Variants in SLC16A7 observed in about 807,000 individuals in gnomAD.
SLC16A7 encodes solute carrier family 16 member 7.
A neutral mutation model predicts 34.9 loss-of-function variants in SLC16A7; 33 were observed. The ratio of observed to expected loss-of-function variants is 0.94; its 90% CI spans 0.72 to 1.26. The LOEUF is 1.26. Ranked by LOEUF, SLC16A7 falls within the 50% of genes most tolerant of loss-of-function variation. The pLI, the probability that SLC16A7 is intolerant of heterozygous loss-of-function variation, is 0.00. For missense variants in SLC16A7, 573 were observed against 578.1 expected (o/e 0.99, Z 0.09); for synonymous variants, 201 against 206.6 (o/e 0.97, Z 0.23).
chr12:59,607,313 C>T (rs1018251183), intron 1 of SLC16A7, among the ~76,000 whole-genome samples: 1 of 152,066 alleles, frequency 6.6e-6, no homozygotes, highest in African/African-American at 2.4e-5. Flanking sequence ...GTAGTAAGTG[C>T]CACAGAACTC....
chr12:59,611,733 C>G lies in SLC16A7; in HGVS notation c.-130+15497C>G, dbSNP rs567374152. Among the ~76,000 whole-genome samples the G allele has an allele frequency of 1.8e-4, 27 of 152,232 alleles. 1 individual carries two copies. In the South Asian group the frequency reaches 4.6e-3, roughly 26 times the overall value. ...AATAGATACAATAGGGTAAACACAC[C>G]CATTCCAAATGGGAGAAATTGGCTA... On this transcript the variant is annotated intron_variant, in intron 1 of 5. Coordinates refer to ENST00000547379, the MANE Select transcript of SLC16A7 (RefSeq NM_001270623.2).
At chr12:59,625,879 G>GA (rs1201560216) in intron 1 of SLC16A7, among the ~76,000 whole-genome samples, 1 of 151,806 alleles carries the variant, frequency 6.6e-6, no homozygotes, top group East Asian at 1.9e-4. Context: ...TCAGTTTGGG[G>GA]AAAAAATTAC....
At chr12:59,691,250 G>T (rs1335934607) in intron 2 of SLC16A7, among the ~76,000 whole-genome samples, 1 of 152,064 alleles carries the variant, frequency 6.6e-6, no homozygotes, top group South Asian at 2.1e-4. Flanking sequence ...CCAAGCTTGC[G>T]GATTGCAGCT....
chr12:59,638,102 TTCGATAAAGAATAGAC>T (rs1277378967), intron 1 of SLC16A7, among the ~76,000 whole-genome samples: 2 of 152,066 alleles, frequency 1.3e-5, no homozygotes, highest in Non-Finnish European at 2.9e-5. Context: ...AAGCTGTCTA[TTCGATAAAGAATAGAC>T]AGCTGTGTTG....
In SLC16A7 at chr12:59,781,301, GTATT is replaced by G. The variant is rs1164415279; in HGVS notation, c.*1625_*1628del. Reference sequence around the variant, plus strand: ...AAGTTTAACATGATTAATTTAAAAAGTATTTAGTGCTTGACAAAGTAGTGTCACT... The same window carrying G: ...AAGTTTAACATGATTAATTTAAAAAGTAGTGCTTGACAAAGTAGTGTCACT... On this transcript the variant is annotated 3_prime_UTR_variant, in exon 6 of 6. Coordinates refer to ENST00000547379, the MANE Select transcript of SLC16A7 (RefSeq NM_001270623.2). 6 of 152,512 alleles carry G rather than the reference GTATT, an allele frequency of 3.9e-5. No individual in the cohort carries two copies. Among genetic ancestry groups the G allele is most frequent in the East Asian group, 3.9e-4 (2 of 5,174 alleles). 9.4% of individuals were successfully genotyped at this position (152,512 alleles called of 1,614,324 possible).
chr12:59,752,389 C>T (rs1879692426), intron 3 of SLC16A7, among the ~76,000 whole-genome samples: 1 of 152,036 alleles, frequency 6.6e-6, no homozygotes, highest in South Asian at 2.1e-4. Context: ...ACTAGAATAA[C>T]CAATACAGAG....
intron 1 of SLC16A7, among the ~76,000 whole-genome samples, chr12:59,626,945 GA>G (rs1879956263): frequency 6.6e-6 from 1 of 151,866 alleles, no homozygotes; most frequent in African/African-American, 2.4e-5. Flanking sequence ...AAATATTTGT[GA>G]ATATTATTTG....
Position 59,693,201 on chromosome 12 carries a change from T to C in SLC16A7, c.-30-11571T>C, listed in dbSNP as rs1349805703. On this transcript the variant is annotated intron_variant, in intron 2 of 5. Coordinates refer to ENST00000547379, the MANE Select transcript of SLC16A7 (RefSeq NM_001270623.2). ...CCAATAGTCTAAGAACTATTGATTATTTTGGGACTTAGTTTGCTGAGTACA... is the reference window on the plus strand; with the variant it reads ...CCAATAGTCTAAGAACTATTGATTACTTTGGGACTTAGTTTGCTGAGTACA... 1.3e-5 allele frequency among the ~76,000 whole-genome samples: 2 copies of C among 151,972 alleles called. 1 individual carries two copies. Among genetic ancestry groups the C allele is most frequent in the African/African-American group, 4.8e-5 (2 of 41,424 alleles).
At chr12:59,604,497 G>A (rs774542461) in intron 1 of SLC16A7, among the ~76,000 whole-genome samples, 10 of 152,220 alleles carry the variant, frequency 6.6e-5, no homozygotes, top group Admixed American at 5.9e-4. Flanking sequence ...TGTATAATAA[G>A]TGAATTTAAG....
chr12:59,764,734 G>A (rs1200821119), intron 3 of SLC16A7, among the ~76,000 whole-genome samples: 1 of 152,062 alleles, frequency 6.6e-6, no homozygotes, highest in Non-Finnish European at 1.5e-5. Context: ...GTCTATCATT[G>A]TTGGACATTT....
intron 2 of SLC16A7, among the ~76,000 whole-genome samples, chr12:59,697,478 C>T (rs1872438226): frequency 6.6e-6 from 1 of 151,888 alleles, no homozygotes; most frequent in Non-Finnish European, 1.5e-5. Context: ...CTATTACTAT[C>T]CATTTTTACT....
intron 1 of SLC16A7, among the ~76,000 whole-genome samples, chr12:59,603,478 GA>G: frequency 6.6e-6 from 1 of 152,214 alleles, no homozygotes; most frequent in South Asian, 2.1e-4. Context: ...ATCTTGAAAT[GA>G]ATCTAACGTC....
intron 1 of SLC16A7, among the ~76,000 whole-genome samples, chr12:59,616,853 C>A (rs192794063): frequency 1.3e-5 from 2 of 152,068 alleles, no homozygotes; most frequent in African/African-American, 4.8e-5. Context: ...GAACTTATTT[C>A]TATTATGGCA....
intron 3 of SLC16A7, among the ~76,000 whole-genome samples, chr12:59,749,234 G>T (rs1217119324): frequency 1.3e-5 from 2 of 152,144 alleles, no homozygotes; most frequent in Non-Finnish European, 2.9e-5. Context: ...ATCTACAAAG[G>T]CGATAACTCC....
Position 59,779,671 on chromosome 12 carries a change from A to G in SLC16A7, c.1429A>G (p.Asn477Asp). Residue 477 changes from asparagine to aspartate, a missense_variant, in exon 6 of 6, where the codon AAC (asparagine) becomes GAC (aspartate). By Grantham distance (23) the Asn-to-Asp change is conservative. Transcript: ENST00000547379. Reference protein sequence around the residue: ...AQSVTSERETNI With the variant: ...AQSVTSERETDI ...GAGTGTAACCTCAGAAAGAGAAACT[A>G]ACATTTAACAAGAATCACATCTCTG... is the stretch of plus-strand genomic sequence containing the variant. The G allele has an allele frequency of 6.2e-7, 1 of 1,605,700 alleles. No individual in the cohort carries two copies. The highest frequency in any genetic ancestry group is 8.5e-7 in the Non-Finnish European group (1 of 1,174,822).
chr12:59,744,697 C>T (rs930661080), intron 3 of SLC16A7, among the ~76,000 whole-genome samples: 5 of 152,258 alleles, frequency 3.3e-5, no homozygotes, highest in South Asian at 4.1e-4. Flanking sequence ...CGTCTGTGGA[C>T]GGCAAAAGCT....
chr12:59,744,859 C>T (rs1164487600), intron 3 of SLC16A7, among the ~76,000 whole-genome samples: 1 of 152,138 alleles, frequency 6.6e-6, no homozygotes. Flanking sequence ...TGTGCACTCC[C>T]TCTTGCGAGG....
At chr12:59,708,081 T>C (rs1266781307) in intron 3 of SLC16A7, among the ~76,000 whole-genome samples, 2 of 152,160 alleles carry the variant, frequency 1.3e-5, no homozygotes, top group African/African-American at 2.4e-5. Context: ...CATTTAAAAT[T>C]ATAATCTAAT....
rs1422582815 is a variant in SLC16A7 at position 59,782,884 on chromosome 12, G to T, written c.*3205G>T. 6.6e-6 allele frequency: 1 copy of T among 151,986 alleles called. No homozygotes were observed. Among genetic ancestry groups the T allele is most frequent in the East Asian group, 1.9e-4 (1 of 5,188 alleles). 9.4% of individuals were successfully genotyped at this position (151,986 alleles called of 1,614,324 possible). ...AGGACTCATAAACAATCACTTTTTT[G>T]GTGCCAAGTTTCAACCCTTTAGCTC... On this transcript the variant is annotated 3_prime_UTR_variant, in exon 6 of 6. Transcript: ENST00000547379.
Sources: gnomAD v4.1 joint callset for allele counts (sites outside exome capture counted in the v4.1 genomes callset) on GRCh38, gnomAD v4.1.1 for gene constraint, MANE v1.5 for transcripts, NCBI Gene and HGNC (gene_info 2026-07-23, HGNC 2026-07-21) for gene names.